HIVEP3: variants seen among roughly 807,000 people sequenced by gnomAD.
HIVEP3 encodes HIVEP zinc finger 3.
Under a neutral mutation model 152.8 loss-of-function variants are expected in HIVEP3, and 49 were observed. The observed-to-expected ratio is 0.32, with a 90% CI of 0.26 to 0.41. The LOEUF is 0.41. Among genes scored for constraint, HIVEP3 ranks in the 10% least tolerant of loss-of-function variants. The pLI is 1.00. For synonymous variants in HIVEP3, 1,269 were observed against 1,289.0 expected, an observed-to-expected ratio of 0.98 and a Z score of 0.33; for missense variants, 2,790 against 3,103.3, an observed-to-expected ratio of 0.90 and a Z score of 2.40.
chr1:41,771,725 G>A (rs1257978292), intron 1 of HIVEP3, among the ~76,000 whole-genome samples: 2 of 152,152 alleles, frequency 1.3e-5, no homozygotes, highest in Non-Finnish European at 2.9e-5. Context: ...CTGGAGTGCA[G>A]TGGTGTAATC....
At chr1:42,005,847 G>T (rs146329267) in intron 1 of HIVEP3, among the ~76,000 whole-genome samples, 2,457 of 152,244 alleles carry the variant, frequency 0.016, 63 homozygotes, top group African/African-American at 0.056. Flanking sequence ...TAATACTTTT[G>T]CTTCTAGCTT....
intron 2 of HIVEP3, among the ~76,000 whole-genome samples, chr1:41,645,944 C>A (rs1645452519): frequency 6.6e-6 from 1 of 152,084 alleles, no homozygotes; most frequent in South Asian, 2.1e-4. Context: ...TTTGCACGAC[C>A]CCGAGGAAAA....
chr1:41,932,472 T>A (rs1296095299), intron 1 of HIVEP3, among the ~76,000 whole-genome samples: 2 of 151,914 alleles, frequency 1.3e-5, no homozygotes, highest in Admixed American at 1.3e-4. Flanking sequence ...CACAGAGTTG[T>A]TTGTTGCACT....
intron 2 of HIVEP3, among the ~76,000 whole-genome samples, chr1:41,686,081 G>GT (rs67812771): frequency 2.1e-4 from 32 of 151,510 alleles, no homozygotes; most frequent in East Asian, 1.9e-3. Flanking sequence ...GTTTTGTTTT[G>GT]TTTTTTTTGA....
At chr1:41,578,152 A>T (rs957328352) in intron 4 of HIVEP3, among the ~76,000 whole-genome samples, 1 of 152,256 alleles carries the variant, frequency 6.6e-6, no homozygotes, top group African/African-American at 2.4e-5. Context: ...AAGTTACTTA[A>T]CCTCTCTTGT....
At chr1:41,993,436 A>G (rs1358879360) in intron 1 of HIVEP3, among the ~76,000 whole-genome samples, 1 of 150,332 alleles carries the variant, frequency 6.7e-6, no homozygotes, top group Non-Finnish European at 1.5e-5. Flanking sequence ...AATGCAAATC[A>G]AAACCACAAT....
At chr1:41,753,929 C>G (rs1177950724) in intron 1 of HIVEP3, among the ~76,000 whole-genome samples, 1 of 151,780 alleles carries the variant, frequency 6.6e-6, no homozygotes, top group Non-Finnish European at 1.5e-5. Flanking sequence ...TGTGGGTCAG[C>G]GGGTGGTGGG....
intron 1 of HIVEP3, among the ~76,000 whole-genome samples, chr1:41,909,390 T>G (rs6692231): frequency 0.036 from 5,455 of 152,116 alleles, 310 homozygotes; most frequent in African/African-American, 0.12. Flanking sequence ...AGGAAACAAG[T>G]TTTGCTTAAT....
chr1:41,991,088 A>G (rs1193680580), intron 1 of HIVEP3, among the ~76,000 whole-genome samples: 1 of 149,258 alleles, frequency 6.7e-6, no homozygotes. Flanking sequence ...CACAATTAAA[A>G]GAACTAGAAA....
At position 41,947,961 on chromosome 1, in the gene HIVEP3, T is replaced by C. The variant is rs572662568; in HGVS notation, n.120-29437A>G. ...CTGTTTGCTTAAATATCAGGCTCTATTACTTGAAAGGCCAGTGCCGCGACT... is the reference window on the plus strand; with the variant it reads ...CTGTTTGCTTAAATATCAGGCTCTACTACTTGAAAGGCCAGTGCCGCGACT... On this transcript the variant is annotated intron_variant and non_coding_transcript_variant, in intron 1 of 3. Coordinates refer to the HIVEP3 transcript ENST00000489103. Among the ~76,000 whole-genome samples, 4 of 152,370 alleles carry C rather than the reference T, an allele frequency of 2.6e-5. No individual in the cohort carries two copies. In the East Asian group the frequency reaches 5.8e-4, roughly 22 times the overall value.
At chr1:42,023,083 T>C (rs187272465) in intron 1 of HIVEP3, among the ~76,000 whole-genome samples, 37 of 152,306 alleles carry the variant, frequency 2.4e-4, no homozygotes, top group African/African-American at 8.9e-4. Flanking sequence ...CAGGCTGGAG[T>C]GCAACCTCCA....
intron 5 of HIVEP3, among the ~76,000 whole-genome samples, chr1:41,538,921 G>A (rs992745230): frequency 2.0e-5 from 3 of 152,142 alleles, no homozygotes; most frequent in East Asian, 1.9e-4. Flanking sequence ...TCTGTGCTCC[G>A]GATTCATGGG....
chr1:41,967,639 A>G (rs1240832160), intron 1 of HIVEP3, among the ~76,000 whole-genome samples: 1 of 152,238 alleles, frequency 6.6e-6, no homozygotes, highest in Non-Finnish European at 1.5e-5. Flanking sequence ...TAAAAACACT[A>G]GAGAACCAAG....
intron 1 of HIVEP3, among the ~76,000 whole-genome samples, chr1:41,968,500 ATTCAACATCCC>A (rs1285657613): frequency 6.6e-6 from 1 of 152,216 alleles, no homozygotes; most frequent in Non-Finnish European, 1.5e-5. Context: ...CTTTGATAAA[ATTCAACATCCC>A]TTCACGTTAA....
At chr1:41,589,757 G>C (rs769865803) in intron 3 of HIVEP3, among the ~76,000 whole-genome samples, 10 of 152,184 alleles carry the variant, frequency 6.6e-5, no homozygotes, top group Non-Finnish European at 1.3e-4. Flanking sequence ...GAGCTGTTAG[G>C]CTAAGCTGGC....
At chr1:41,787,696 A>AT (rs879683214) in intron 1 of HIVEP3, among the ~76,000 whole-genome samples, 100 of 135,526 alleles carry the variant, frequency 7.4e-4, no homozygotes, top group Non-Finnish European at 8.6e-4. Context: ...AATTAAAAAA[A>AT]TTTTTTTTTT....
chr1:41,752,249 T>G (rs1647178480), intron 1 of HIVEP3, among the ~76,000 whole-genome samples: 1 of 152,324 alleles, frequency 6.6e-6, no homozygotes, highest in Admixed American at 6.5e-5. Flanking sequence ...TGCACCTCCC[T>G]GGTCAGCACA....
At chr1:41,610,678 G>A (rs1232956434) in intron 3 of HIVEP3, among the ~76,000 whole-genome samples, 1 of 152,220 alleles carries the variant, frequency 6.6e-6, no homozygotes. Context: ...CACCTGTCCA[G>A]CTTCTCCAGC....
chr1:41,522,843 T>C (rs1035463413), intron 6 of HIVEP3, among the ~76,000 whole-genome samples: 9 of 152,194 alleles, frequency 5.9e-5, no homozygotes, highest in African/African-American at 2.2e-4. Context: ...CAGCCCAGGC[T>C]GCGTGTGGGG....
Sources: allele counts gnomAD v4.1 joint callset (sites outside exome capture counted in the v4.1 genomes callset), GRCh38; gene constraint gnomAD v4.1.1; transcripts MANE v1.5; gene names NCBI Gene and HGNC (gene_info 2026-07-23, HGNC 2026-07-21).